The following NOC3L variants were observed in gnomAD, a reference collection of about 807,000 sequenced individuals.
NOC3L encodes NOC3 like DNA replication regulator.
NOC3L carries 85 observed loss-of-function variants against 102.5 expected under a neutral mutation model. The ratio of observed to expected loss-of-function variants is 0.83; its 90% CI spans 0.70 to 0.99. The LOEUF is 0.99. NOC3L is among the 50% of genes least tolerant of loss of function. The pLI is 0.00. For synonymous variants in NOC3L, 303 were observed against 309.4 expected (o/e 0.98, Z 0.22); for missense variants, 878 against 914.9 (o/e 0.96, Z 0.52).
intron 3 of NOC3L, chr10:94,357,711 T>C: frequency 4.2e-6 from 1 of 239,808 alleles, no homozygotes; most frequent in Non-Finnish European, 7.9e-6. Context: ...TTCCAGATAC[T>C]TGTGACTGCA....
the NOC3L span, among the ~76,000 whole-genome samples, chr10:94,323,694 TA>T: frequency 6.6e-6 from 1 of 152,220 alleles, no homozygotes. Context: ...TATGATAACT[TA>T]GTTAATATTA....
At chr10:94,341,648 T>A in intron 14 of NOC3L, 25 bp downstream of exon 14, 1 of 1,258,228 alleles carries the variant, frequency 7.9e-7, no homozygotes, top group Non-Finnish European at 1.1e-6. Context: ...TTATATCTTT[T>A]AAAAAATAAT....
chr10:94,352,213 A>AC (rs2054427534), intron 8 of NOC3L, 97 bp downstream of exon 8: 3 of 753,852 alleles, frequency 4.0e-6, no homozygotes, highest in Non-Finnish European at 6.4e-6. Context: ...TCCTGACCAT[A>AC]CCTGCCTCTC....
Position 94,350,345 on chromosome 10 carries a change from G to A in NOC3L, c.953-57C>T, listed in dbSNP as rs2054400002. 1.1e-5 allele frequency: 16 copies of A among 1,478,624 alleles called. No homozygotes were observed. The South Asian group carries it at 1.7e-4, about 16-fold the overall frequency. 91.6% of individuals were successfully genotyped at this position (1,478,624 alleles called of 1,614,324 possible). The stretch of plus-strand genomic sequence containing the variant: ...CATTGGTCAAAAGTTAAACTAATTG[G>A]CTTTCTTTTACAATCAATGTACATT... On this transcript the variant is annotated intron_variant, in intron 8 of 20. Coordinates refer to ENST00000371361, the MANE Select transcript of NOC3L (RefSeq NM_022451.11).
At chr10:94,334,839 C>T in intron 19 of NOC3L, 121 bp from the exon 20 acceptor site, 1 of 695,882 alleles carries the variant, frequency 1.4e-6, no homozygotes. Flanking sequence ...AGATTTGAAA[C>T]TAACCAACCA....
downstream of NOC3L, chr10:94,329,764 GAGACTCCGTCT>G (rs1564905084): frequency 9.5e-6 from 1 of 105,394 alleles, no homozygotes; most frequent in East Asian, 3.1e-4. Context: ...GTGACAGAGC[GAGACTCCGTCT>G]CAAAAAAAAA....
chr10:94,344,263 A>T (rs1214114567), intron 13 of NOC3L, 152 bp downstream of exon 13: 1 of 471,286 alleles, frequency 2.1e-6, no homozygotes, highest in East Asian at 3.3e-5. Flanking sequence ...AAAAAAGCCC[A>T]CTGTTATGAA....
chr10:94,339,896 A>G lies in NOC3L; in HGVS notation c.1805T>C (p.Ile602Thr). ...HAGATNEGVE[I>T]VLQCLDVMLT... is the part of the protein sequence containing the mutation. ...CATGACATCAAGGCACTGGAGTACA[A>G]TCTCAACACCTTCATTGGTAGCACC... is the stretch of plus-strand genomic sequence containing the variant. Residue 602 changes from isoleucine (I) to threonine (T), a missense_variant, in exon 17 of 21, where the codon ATT becomes ACT. Physicochemically the swap from Ile to Thr is moderately conservative, Grantham distance 89. Coordinates refer to ENST00000371361, the MANE Select transcript of NOC3L (RefSeq NM_022451.11). 1 of 1,614,006 alleles carries G rather than the reference A, an allele frequency of 6.2e-7. No individual in the cohort carries two copies.
At chr10:94,359,782 T>A (rs1191309618) in intron 2 of NOC3L, among the ~76,000 whole-genome samples, 1 of 151,942 alleles carries the variant, frequency 6.6e-6, no homozygotes, top group Non-Finnish European at 1.5e-5. Flanking sequence ...TCTCATACAC[T>A]CTTGGTGGGA....
rs1265413634 is a variant in NOC3L, at chr10:94,345,747, G to C, written c.1389+678C>G. ...GTTTTCAAAATTAGACCCATTCAAA[G>C]ATGAATATCCCCAGAGATTACTTTT... On this transcript the variant is annotated intron_variant, in intron 11 of 20. Coordinates refer to ENST00000371361, the MANE Select transcript of NOC3L (RefSeq NM_022451.11). Among the ~76,000 whole-genome samples, 2 of 152,016 alleles carry C rather than the reference G, an allele frequency of 1.3e-5. 1 individual carries two copies. The highest frequency in any genetic ancestry group is 6.3e-3 in the Middle Eastern group (2 of 316).
rs758851895 is a variant in NOC3L, at chr10:94,358,072, TGAAGTATTACCTA to T, written c.348_350+10del. 1.3e-6 allele frequency: 2 copies of T among 1,529,892 alleles called. No individual in the cohort carries two copies. The highest frequency in any genetic ancestry group is 1.8e-6 in the Non-Finnish European group (2 of 1,104,598). The allele number at this position is 1,529,892 out of a possible 1,614,324, so 94.8% of individuals were successfully genotyped here. Reference sequence around the variant, plus strand: ...TGGATATGAATGATTATAACCCAAATGAAGTATTACCTAGAAGAAAGATCTCTTGTTAGAAAAG... The same window carrying T: ...TGGATATGAATGATTATAACCCAAATGAAGAAAGATCTCTTGTTAGAAAAG... On this transcript the variant is annotated splice_donor_variant and splice_donor_5th_base_variant and coding_sequence_variant and intron_variant, in exon 3 of 21. Transcript: ENST00000371361. LOFTEE classifies it high-confidence loss of function.
chr10:94,345,382 T>C (rs1254950227), intron 11 of NOC3L, among the ~76,000 whole-genome samples: 1 of 151,920 alleles, frequency 6.6e-6, no homozygotes, highest in Admixed American at 6.6e-5. Flanking sequence ...TCACCAACAA[T>C]ACTTCCCCAA....
At chr10:94,337,383 C>G (rs1347707212) in intron 19 of NOC3L, among the ~76,000 whole-genome samples, 1 of 150,014 alleles carries the variant, frequency 6.7e-6, no homozygotes, top group Non-Finnish European at 1.5e-5. Context: ...ACCGAGCGAG[C>G]GAGAAAGCAA....
chr10:94,326,923 G>C, the NOC3L span, among the ~76,000 whole-genome samples: 3 of 152,112 alleles, frequency 2.0e-5, no homozygotes, highest in Non-Finnish European at 4.4e-5. Flanking sequence ...CACTTTGGGA[G>C]GCCAAGGCGG....
downstream of NOC3L, chr10:94,332,611 A>G (rs1481031158): frequency 2.0e-5 from 3 of 152,102 alleles, no homozygotes; most frequent in African/African-American, 7.2e-5. Flanking sequence ...CCTCAAATTC[A>G]CATAGGATAC....
Position 94,362,925 on chromosome 10 carries a change from A to C in NOC3L, c.-87T>G. 1.2e-6 allele frequency: 2 copies of C among 1,604,822 alleles called. No individual in the cohort carries two copies. The highest frequency in any genetic ancestry group is 2.2e-5 in the South Asian group (2 of 90,858). ...TCCCGGGGAATGACACACGTGCCGAAGTCCCTACACTACCAGAGCCGGAAA... is the reference window on the plus strand; with the variant it reads ...TCCCGGGGAATGACACACGTGCCGACGTCCCTACACTACCAGAGCCGGAAA... On this transcript the variant is annotated 5_prime_UTR_variant, in exon 1 of 21. Coordinates refer to ENST00000371361, the MANE Select transcript of NOC3L (RefSeq NM_022451.11).
intron 1 of NOC3L, among the ~76,000 whole-genome samples, chr10:94,362,622 C>G (rs1390042585): frequency 6.6e-6 from 1 of 152,156 alleles, no homozygotes; most frequent in East Asian, 1.9e-4. Flanking sequence ...TGCAAAACTC[C>G]GTGCCTGTCT....
chr10:94,344,520 C>T lies in NOC3L; in HGVS notation c.1471-5G>A, dbSNP rs530660677. 2.2e-4 allele frequency: 356 copies of T among 1,592,104 alleles called. 3 individuals are homozygous for T. The South Asian group carries it at 3.6e-3, about 16-fold the overall frequency. The stretch of plus-strand genomic sequence containing the variant: ...AATATTCAGAGTCTCTGTGTGCTGG[C>T]AGAGGAGACAGACAAAATGACTTTA... On this transcript the variant is annotated splice_region_variant and splice_polypyrimidine_tract_variant and intron_variant, in intron 12 of 20. Coordinates refer to ENST00000371361, the MANE Select transcript of NOC3L (RefSeq NM_022451.11).
intron 13 of NOC3L, among the ~76,000 whole-genome samples, chr10:94,342,091 AAG>A (rs1356565315): frequency 6.6e-6 from 1 of 152,190 alleles, no homozygotes; most frequent in African/African-American, 2.4e-5. Context: ...AGGTGGTGGG[AAG>A]AGAGACAAGG....
Sources: allele counts gnomAD v4.1 joint callset (sites outside exome capture counted in the v4.1 genomes callset), GRCh38; gene constraint gnomAD v4.1.1; transcripts MANE v1.5; gene names NCBI Gene and HGNC (gene_info 2026-07-23, HGNC 2026-07-21).